The following LMO7 variants were observed in gnomAD, a reference collection of about 807,000 sequenced individuals.
The protein encoded by LMO7 is LIM domain only protein 7.
LMO7 carries 120 observed loss-of-function variants against 206.5 expected under a neutral mutation model. The ratio of observed to expected loss-of-function variants is 0.58; its 90% confidence interval spans 0.50 to 0.68. The LOEUF (loss-of-function observed/expected upper bound fraction) is 0.68, where lower values mean the gene tolerates loss of function less well. LMO7 is among the 30% of genes least tolerant of loss of function. The pLI is 0.00. For missense variants in LMO7, 1,959 were observed against 1,957.9 expected (o/e 1.00, Z -0.01); for synonymous variants, 706 against 681.5 (o/e 1.04, Z -0.56).
At chr13:75,759,390 T>TTACAGATAGTA (rs2047958145) in intron 3 of LMO7, among the ~76,000 whole-genome samples, 1 of 152,192 alleles carries the variant, frequency 6.6e-6, no homozygotes, top group Admixed American at 6.5e-5. Flanking sequence ...CATTTGATAA[T>TTACAGATAGTA]TACAGATAGT....
chr13:75,634,264 C>T (rs533394820), upstream of LMO7, among the ~76,000 whole-genome samples: 91 of 151,836 alleles, frequency 6.0e-4, 1 homozygote, highest in South Asian at 0.019. Context: ...TAGTGAGACC[C>T]CTCTCTCTAC....
At chr13:75,750,330 T>C (rs1175872254) in intron 3 of LMO7, among the ~76,000 whole-genome samples, 3 of 151,472 alleles carry the variant, frequency 2.0e-5, no homozygotes, top group Admixed American at 6.6e-5. Context: ...CTCACTTTAA[T>C]TGCCAAAAAA....
intron 1 of LMO7, among the ~76,000 whole-genome samples, chr13:75,663,432 C>CTTTCTTTCTTTCTTTCTTTTTTT (rs1555289857): frequency 1.8e-5 from 2 of 111,408 alleles, no homozygotes; most frequent in African/African-American, 7.5e-5. Flanking sequence ...TTCTTTCTTT[C>CTTTCTTTCTTTCTTTCTTTTTTT]TTTTTTTTTT....
chr13:75,731,846 A>G (rs1309650547), intron 3 of LMO7, among the ~76,000 whole-genome samples: 1 of 151,578 alleles, frequency 6.6e-6, no homozygotes, highest in Non-Finnish European at 1.5e-5. Flanking sequence ...ATCTCTCAGC[A>G]TTTGCTTGTC....
intron 4 of LMO7, among the ~76,000 whole-genome samples, chr13:75,781,397 G>A (rs919991561): frequency 2.6e-4 from 39 of 147,534 alleles, no homozygotes; most frequent in African/African-American, 7.2e-4. Context: ...TTGTTCTTGC[G>A]ATAGTTTACT....
intron 1 of LMO7, among the ~76,000 whole-genome samples, chr13:75,646,016 G>A (rs2036974274): frequency 6.6e-6 from 1 of 152,064 alleles, no homozygotes; most frequent in Non-Finnish European, 1.5e-5. Flanking sequence ...CCCACTGTAG[G>A]TCTGATAAGC....
intron 15 of LMO7, among the ~76,000 whole-genome samples, chr13:75,826,301 A>G (rs1451327639): frequency 6.6e-6 from 1 of 151,984 alleles, no homozygotes; most frequent in Non-Finnish European, 1.5e-5. Flanking sequence ...CTTGGCCTCC[A>G]AAAGTGCTGG....
At chr13:75,681,732 A>ATATATATATATGTATATATG (rs2040531127) in intron 1 of LMO7, among the ~76,000 whole-genome samples, 3 of 135,282 alleles carry the variant, frequency 2.2e-5, no homozygotes, top group African/African-American at 8.1e-5. Flanking sequence ...ATATATATAT[A>ATATATATATATGTATATATG]TATATATATA....
chr13:75,677,106 CAG>C (rs1173756763), intron 1 of LMO7, among the ~76,000 whole-genome samples: 1 of 152,062 alleles, frequency 6.6e-6, no homozygotes, highest in South Asian at 2.1e-4. Flanking sequence ...TTGTTTAACT[CAG>C]AGAGACAGAG....
chr13:75,690,094 ATTTTTATTTTTATT>A (rs983417732), intron 1 of LMO7, among the ~76,000 whole-genome samples: 1 of 144,638 alleles, frequency 6.9e-6, no homozygotes, highest in Admixed American at 6.9e-5. Context: ...AGTTCTACTT[ATTTTTATTTTTATT>A]TTACTTTTAG....
intron 3 of LMO7, among the ~76,000 whole-genome samples, chr13:75,755,831 G>A (rs2139562974): frequency 6.6e-6 from 1 of 152,212 alleles, no homozygotes; most frequent in African/African-American, 2.4e-5. Context: ...GATCTACTGG[G>A]GAGATTCCAT....
At chr13:75,647,775 T>A (rs2037166379) in intron 1 of LMO7, among the ~76,000 whole-genome samples, 1 of 152,110 alleles carries the variant, frequency 6.6e-6, no homozygotes, top group Admixed American at 6.5e-5. Context: ...GCCCATCTCA[T>A]GCTTTGAAAG....
Position 75,821,436 on chromosome 13 carries a change from G to A in LMO7, c.2467G>A (p.Ala823Thr). 6.8e-6 allele frequency: 11 copies of A among 1,614,148 alleles called. No individual in the cohort carries two copies. Among genetic ancestry groups the A allele is most frequent in the Non-Finnish European group, 9.3e-6 (11 of 1,180,010 alleles). Residue 823 changes from alanine to threonine, a missense_variant, in exon 14 of 31, where the codon GCC (alanine) becomes ACC (threonine). Physicochemically the swap from Ala to Thr is moderately conservative, Grantham distance 58. Transcript: ENST00000377534. ...AAGTCCTGTGGAAGAACAAAGCCCAGCCTCTTTGTCTTCTCTGCGTTCACG... is the reference window on the plus strand; with the variant it reads ...AAGTCCTGTGGAAGAACAAAGCCCAACCTCTTTGTCTTCTCTGCGTTCACG... The part of the protein sequence containing the change: ...SQSPVEEQSP[A>T]SLSSLRSRST...
chr13:75,726,944 A>G, intron 2 of LMO7, 85 bp from the exon 3 acceptor site: 3 of 752,538 alleles, frequency 4.0e-6, no homozygotes, highest in Non-Finnish European at 7.2e-6. Context: ...GGGAGGGAAT[A>G]GTGATATATG....
At chr13:75,630,509 C>T (rs1482623230) in intron 2 of LMO7, among the ~76,000 whole-genome samples, 1 of 151,986 alleles carries the variant, frequency 6.6e-6, no homozygotes, top group African/African-American at 2.4e-5. Flanking sequence ...ACCGTCTCTA[C>T]AAAAAATACA....
intron 17 of LMO7, among the ~76,000 whole-genome samples, chr13:75,834,816 T>C (rs890558798): frequency 2.6e-5 from 4 of 152,300 alleles, no homozygotes; most frequent in African/African-American, 9.6e-5. Context: ...GTGCATTCCA[T>C]TAATGTGTTT....
intron 2 of LMO7, among the ~76,000 whole-genome samples, chr13:75,717,648 G>A (rs1194247692): frequency 6.6e-6 from 1 of 151,986 alleles, no homozygotes; most frequent in Non-Finnish European, 1.5e-5. Context: ...TCATTTTAAG[G>A]CACGGGGTAA....
rs572927927 is a variant in LMO7 at position 75,806,335 on chromosome 13, A to G, written c.1196+575A>G. 7 of 771,756 alleles carry G rather than the reference A, an allele frequency of 9.1e-6. No homozygotes were observed. The African/African-American group carries it at 1.1e-4, about 12-fold the overall frequency. 47.8% of individuals were successfully genotyped at this position (771,756 alleles called of 1,614,324 possible). On this transcript the variant is annotated intron_variant, in intron 9 of 30. Transcript: ENST00000377534. ...ACCCTCTGCCTGCTTCTGCTGCTCC[A>G]TTAGCCTGGGACCTGATTGCACTGA...
chr13:75,809,634 T>G (rs969774547), intron 11 of LMO7, among the ~76,000 whole-genome samples: 7 of 152,166 alleles, frequency 4.6e-5, no homozygotes, highest in Admixed American at 3.9e-4. Context: ...GACATTATCC[T>G]ATAATCGGCC....
Sources: gnomAD v4.1 joint callset for allele counts (sites outside exome capture counted in the v4.1 genomes callset) on GRCh38, gnomAD v4.1.1 for gene constraint, MANE v1.5 for transcripts, NCBI Gene and HGNC (gene_info 2026-07-23, HGNC 2026-07-21) for gene names.